The following MSI1 variants were observed in gnomAD, a reference collection of about 807,000 sequenced individuals.
MSI1 encodes RNA-binding protein Musashi homolog 1.
A neutral mutation model predicts 54.4 loss-of-function variants in MSI1; 15 were observed. The observed-to-expected ratio is 0.28, with a 90% CI of 0.18 to 0.42. MSI1 has a LOEUF of 0.42. Ranked by LOEUF, MSI1 falls within the 20% of genes least tolerant of loss-of-function variation. MSI1 has a pLI of 1.00. For synonymous variants in MSI1, 200 were observed against 196.5 expected (o/e 1.02, Z -0.15); for missense variants, 304 against 506.0 (o/e 0.60, Z 3.83).
intron 9 of MSI1, among the ~76,000 whole-genome samples, chr12:120,354,839 C>A (rs1287232684): frequency 2.0e-5 from 3 of 152,012 alleles, no homozygotes; most frequent in Non-Finnish European, 4.4e-5. Context: ...AGACAACTAA[C>A]TACAATACCT....
Position 120,368,780 on chromosome 12 carries a change from C to CG in MSI1, c.100+52dup. ...GCTGGGGTGTCCGGGTCCGGGGCGC[C>CG]GGGGGGTCCGGGGTGCCCTGCCGGA... On this transcript the variant is annotated intron_variant, in intron 2 of 14. Coordinates refer to ENST00000257552, the MANE Select transcript of MSI1 (RefSeq NM_002442.4). The surrounding 1 kb of genome is among the most constrained non-coding windows in gnomAD (Gnocchi z 6.6). 3 of 1,364,442 alleles carry CG rather than the reference C, an allele frequency of 2.2e-6. No individual in the cohort carries two copies. The highest frequency in any genetic ancestry group is 2.9e-6 in the Non-Finnish European group (3 of 1,041,606). The allele number at this position is 1,364,442 out of a possible 1,614,324, so 84.5% of individuals were successfully genotyped here. A position where few individuals can be genotyped will look rare whatever the true frequency, so the allele number is the denominator to read the frequency against.
chr12:120,347,982 G>A (rs1203788068), intron 11 of MSI1, among the ~76,000 whole-genome samples: 1 of 152,154 alleles, frequency 6.6e-6, no homozygotes, highest in Non-Finnish European at 1.5e-5. Context: ...CCCCAGGCCT[G>A]CTGCCCCCAG....
chr12:120,354,212 C>G (rs1207022943), intron 9 of MSI1, among the ~76,000 whole-genome samples: 2 of 152,122 alleles, frequency 1.3e-5, no homozygotes, highest in Non-Finnish European at 2.9e-5. Context: ...TCTCGAACTA[C>G]TAGCCTCAAG....
In MSI1 at chr12:120,368,780, CG is replaced by C. The variant is rs1685666375; in HGVS notation, c.100+52del. On this transcript the variant is annotated intron_variant, in intron 2 of 14. Coordinates refer to ENST00000257552, the MANE Select transcript of MSI1 (RefSeq NM_002442.4). This position sits in a 1 kb window ranked among gnomAD's most constrained non-coding sequence, Gnocchi z 6.6. ...GCTGGGGTGTCCGGGTCCGGGGCGC[CG>C]GGGGGTCCGGGGTGCCCTGCCGGAC... The C allele has an allele frequency of 8.6e-5, 117 of 1,363,478 alleles. No individual in the cohort carries two copies. Among genetic ancestry groups the C allele is most frequent in the South Asian group, 4.9e-4 (31 of 62,922 alleles). The allele number at this position is 1,363,478 out of a possible 1,614,324, so 84.5% of individuals were successfully genotyped here.
intron 12 of MSI1, among the ~76,000 whole-genome samples, chr12:120,347,101 C>T (rs891633205): frequency 6.6e-6 from 1 of 152,204 alleles, no homozygotes; most frequent in African/African-American, 2.4e-5. Context: ...AGGCGCGCAC[C>T]ACCACGCCCA....
intron 12 of MSI1, 60 bp downstream of exon 12, chr12:120,347,386 C>T: frequency 6.2e-7 from 1 of 1,603,050 alleles, no homozygotes; most frequent in East Asian, 2.2e-5. Context: ...CTCCCCTCCC[C>T]TGGACTTCTC....
At chr12:120,345,657 T>A in intron 13 of MSI1, 25 bp from the exon 14 acceptor site, 2 of 1,613,602 alleles carry the variant, frequency 1.2e-6, no homozygotes, top group Non-Finnish European at 1.7e-6. Flanking sequence ...ATTTGACTCC[T>A]AGATTCCTGG....
In MSI1 at chr12:120,346,174, G is replaced by T. The variant is rs1331423048; in HGVS notation, c.1008C>A (p.Ala336=). The T allele has an allele frequency of 1.3e-6, 2 of 1,597,468 alleles. No homozygotes were observed. Among genetic ancestry groups the T allele is most frequent in the Non-Finnish European group, 1.7e-6 (2 of 1,173,288 alleles). The change falls in exon 13 of 15, where the codon GCC becomes GCA. Residue 336 remains alanine (A), a synonymous_variant. Transcript: ENST00000257552. ...DSGVSSYISA[A]SPAPSTGFGH... Reference sequence around the variant, plus strand: ...CGAAGCCGGTGCTGGGGGCAGGGCTGGCGGCGCTGATGTAACTGCTGACCC... The same window carrying T: ...CGAAGCCGGTGCTGGGGGCAGGGCTTGCGGCGCTGATGTAACTGCTGACCC...
rs1345482830 is a variant in MSI1 at position 120,346,273 on chromosome 12, G to A, written c.909C>T (p.Arg303=). Residue 303 remains arginine (R), a synonymous_variant, in exon 13 of 15, where the codon CGC becomes CGT. Transcript: ENST00000257552. ...TGGTGGTCCCCAGGAAGCCCCCTGT[G>A]CGGCTGGGAGTCGAACCTGGAGGGG... ...MAPPPGSTPS[R]TGGFLGTTSP... is the part of the protein sequence containing the mutation. 2 of 1,588,948 alleles carry A rather than the reference G, an allele frequency of 1.3e-6. No individual in the cohort carries two copies. Among genetic ancestry groups the A allele is most frequent in the South Asian group, 1.1e-5 (1 of 87,200 alleles).
chr12:120,344,373 C>A (rs1204914578), intron 14 of MSI1, among the ~76,000 whole-genome samples: 2 of 152,178 alleles, frequency 1.3e-5, no homozygotes, highest in Non-Finnish European at 2.9e-5. Flanking sequence ...CTTGCTTCTC[C>A]CATATCTTGA....
chr12:120,358,785 G>A (rs1875369898), intron 7 of MSI1, among the ~76,000 whole-genome samples: 1 of 151,998 alleles, frequency 6.6e-6, no homozygotes, highest in African/African-American at 2.4e-5. Context: ...AGGGACTGGG[G>A]GGGTGGGTAC....
chr12:120,346,865 T>G (rs112224008), intron 12 of MSI1, among the ~76,000 whole-genome samples: 3,848 of 152,108 alleles, frequency 0.025, 165 homozygotes, highest in African/African-American at 0.087. Flanking sequence ...TGCAGCAGCA[T>G]CAGCCATCAG....
chr12:120,365,905 G>A (rs1875986344), intron 4 of MSI1, among the ~76,000 whole-genome samples: 1 of 152,208 alleles, frequency 6.6e-6, no homozygotes, highest in South Asian at 2.1e-4. Flanking sequence ...GGAATCAGAT[G>A]AGATAACGCG....
intron 9 of MSI1, among the ~76,000 whole-genome samples, chr12:120,354,570 T>C (rs888163326): frequency 3.9e-5 from 6 of 152,132 alleles, no homozygotes; most frequent in South Asian, 4.1e-4. Flanking sequence ...GAGCTGGGAA[T>C]AAAGGCATGT....
At chr12:120,350,849 A>C (rs1874537384) in intron 11 of MSI1, among the ~76,000 whole-genome samples, 1 of 152,234 alleles carries the variant, frequency 6.6e-6, no homozygotes, top group Non-Finnish European at 1.5e-5. Flanking sequence ...AACATTGAAA[A>C]ATAATGGAAA....
At chr12:120,351,282 C>T in intron 11 of MSI1, 62 bp downstream of exon 11, 2 of 1,473,470 alleles carry the variant, frequency 1.4e-6, no homozygotes, top group Non-Finnish European at 1.9e-6. Context: ...CAGGAAACTC[C>T]CTGGGCCCCT....
intron 13 of MSI1, among the ~76,000 whole-genome samples, 167 bp downstream of exon 13, chr12:120,345,968 C>G (rs1416933156): frequency 2.6e-5 from 4 of 152,242 alleles, no homozygotes; most frequent in Non-Finnish European, 5.9e-5. Context: ...TAAGTGCCCA[C>G]TGAATGAATG....
chr12:120,364,781 G>C, intron 4 of MSI1, 26 bp from the exon 5 acceptor site: 1 of 1,586,738 alleles, frequency 6.3e-7, no homozygotes. Flanking sequence ...GAGGTAGAAG[G>C]GGTCTTGGTT....
chr12:120,355,414 A>G (rs1875023203), intron 9 of MSI1, among the ~76,000 whole-genome samples: 1 of 152,054 alleles, frequency 6.6e-6, no homozygotes, highest in Non-Finnish European at 1.5e-5. Context: ...AAAAAAAAAA[A>G]AAAAAGAAAG....
Sources: allele counts gnomAD v4.1 joint callset (sites outside exome capture counted in the v4.1 genomes callset), GRCh38; gene constraint gnomAD v4.1.1; non-coding constraint Gnocchi (gnomAD v3.1); transcripts MANE v1.5; gene names NCBI Gene and HGNC (gene_info 2026-07-23, HGNC 2026-07-21).